FGF14: variants seen among roughly 807,000 people sequenced by gnomAD.
FGF14 encodes the protein fibroblast growth factor homologous factor 4.
In FGF14, 5 loss-of-function variants were observed where a neutral mutation model predicts 25.5. The ratio of observed to expected loss-of-function variants is 0.20; its 90% confidence interval spans 0.10 to 0.41. The LOEUF (loss-of-function observed/expected upper bound fraction) is 0.41. Among genes scored for constraint, FGF14 ranks in the 10% least tolerant of loss-of-function variants. The pLI is 1.00. For missense variants in FGF14, 222 were observed against 320.1 expected, an observed-to-expected ratio of 0.69 and a Z score of 2.34; for synonymous variants, 138 against 118.3, an observed-to-expected ratio of 1.17 and a Z score of -1.08.
rs182254349 is a variant in FGF14 at position 101,868,534 on chromosome 13, C to T, written c.408+191G>A. ...GCACTATTTAAGACATAGTATTACA[C>T]TTCCTTTAGATAAACTCATATTACT... On this transcript the variant is annotated intron_variant, in intron 3 of 4. Transcript: ENST00000376143. The T allele has an allele frequency of 7.7e-3, 4,624 of 598,826 alleles. 31 individuals are homozygous for T. The highest frequency in any genetic ancestry group is 0.011 in the Admixed American group (483 of 42,772). 37.1% of individuals were successfully genotyped at this position (598,826 alleles called of 1,614,324 possible). A position where few individuals can be genotyped will look rare whatever the true frequency, so the allele number is the denominator to read the frequency against.
chr13:101,819,917 G>T (rs1594366377), intron 3 of FGF14, among the ~76,000 whole-genome samples: 1 of 152,222 alleles, frequency 6.6e-6, no homozygotes, highest in East Asian at 1.9e-4. Flanking sequence ...CAGAGAACAG[G>T]CTGTGTAATT....
At chr13:102,214,351 A>G (rs1264437735) in intron 1 of FGF14, among the ~76,000 whole-genome samples, 3 of 152,144 alleles carry the variant, frequency 2.0e-5, no homozygotes, top group African/African-American at 4.8e-5. Context: ...GTCTCCTTCT[A>G]TTCTTACTTT....
intron 1 of FGF14, among the ~76,000 whole-genome samples, chr13:102,230,387 C>T (rs1349389529): frequency 6.6e-6 from 1 of 152,134 alleles, no homozygotes; most frequent in East Asian, 1.9e-4. Context: ...TAAGGAGCTC[C>T]CTGTCTACCA....
At chr13:101,970,093 T>A (rs1300538536) in intron 1 of FGF14, among the ~76,000 whole-genome samples, 1 of 152,212 alleles carries the variant, frequency 6.6e-6, no homozygotes, top group East Asian at 1.9e-4. Context: ...CCATTGGTTA[T>A]CAAGTCTGGG....
intron 1 of FGF14, among the ~76,000 whole-genome samples, chr13:102,207,634 A>T (rs1009890903): frequency 2.7e-5 from 4 of 147,892 alleles, no homozygotes; most frequent in African/African-American, 1.0e-4. Flanking sequence ...TAAAAAAAAA[A>T]AAAAAAAAAA....
chr13:101,791,048 A>G (rs2182950), intron 3 of FGF14, among the ~76,000 whole-genome samples: 68,521 of 152,082 alleles, frequency 0.45, 17,399 homozygotes, highest in Middle Eastern at 0.58. Flanking sequence ...TTGCTAACAC[A>G]CAAGCATTAG....
chr13:102,357,481 ATTTG>A (rs1193959539), intron 1 of FGF14, among the ~76,000 whole-genome samples: 1 of 152,166 alleles, frequency 6.6e-6, no homozygotes. Flanking sequence ...TTTGTTAAAT[ATTTG>A]TTTGTTAAAA....
intron 1 of FGF14, among the ~76,000 whole-genome samples, chr13:102,169,134 T>C (rs1566776172): frequency 1.3e-5 from 2 of 151,152 alleles, no homozygotes; most frequent in South Asian, 4.2e-4. Flanking sequence ...TTTAGGCAAC[T>C]AGATTACACT....
chr13:102,092,646 A>T (rs2044216841), intron 1 of FGF14, among the ~76,000 whole-genome samples: 1 of 152,192 alleles, frequency 6.6e-6, no homozygotes, highest in African/African-American at 2.4e-5. Flanking sequence ...CAATCAATAT[A>T]TGTTAATTTT....
At chr13:101,766,024 T>G (rs1395916576) in intron 3 of FGF14, among the ~76,000 whole-genome samples, 1 of 152,148 alleles carries the variant, frequency 6.6e-6, no homozygotes, top group Non-Finnish European at 1.5e-5. Context: ...CCACTGTGCC[T>G]GGCCAGCCTT....
In FGF14 at chr13:101,720,980, A is replaced by T. The variant is rs1044559459; in HGVS notation, c.*1851T>A. The T allele has an allele frequency of 2.6e-5, 4 of 152,094 alleles. No homozygotes were observed. Among genetic ancestry groups the T allele is most frequent in the African/African-American group, 9.7e-5 (4 of 41,408 alleles). 9.4% of individuals were successfully genotyped at this position (152,094 alleles called of 1,614,324 possible). ...GGCCAGAATTTTTTAATGCTGGGCAAGGGCTGTCATGAAGAAGATTTATGA... is the reference window on the plus strand; with the variant it reads ...GGCCAGAATTTTTTAATGCTGGGCATGGGCTGTCATGAAGAAGATTTATGA... On this transcript the variant is annotated 3_prime_UTR_variant, in exon 5 of 5. Transcript: ENST00000376143.
chr13:102,402,144 T>G (rs930312788), upstream of FGF14: 1 of 159,132 alleles, frequency 6.3e-6, no homozygotes, highest in African/African-American at 2.5e-5. Flanking sequence ...ACCTCCGAGA[T>G]TGAGTCTGAC....
intron 1 of FGF14, among the ~76,000 whole-genome samples, chr13:102,116,860 A>G (rs1003119789): frequency 6.6e-6 from 1 of 152,226 alleles, no homozygotes; most frequent in Non-Finnish European, 1.5e-5. Context: ...GTAGGAAAAG[A>G]AAAGCCCAGT....
chr13:102,167,982 T>C (rs1006467344), intron 1 of FGF14, among the ~76,000 whole-genome samples: 1 of 152,092 alleles, frequency 6.6e-6, no homozygotes, highest in African/African-American at 2.4e-5. Flanking sequence ...GCCCTCTATG[T>C]CATGGCTTTT....
At chr13:101,796,738 T>C (rs2040544619) in intron 3 of FGF14, among the ~76,000 whole-genome samples, 1 of 152,044 alleles carries the variant, frequency 6.6e-6, no homozygotes, top group Non-Finnish European at 1.5e-5. Flanking sequence ...GAAACAATCC[T>C]GCCGGCACCT....
intron 1 of FGF14, among the ~76,000 whole-genome samples, chr13:102,289,710 G>T (rs916855177): frequency 2.6e-5 from 4 of 152,184 alleles, no homozygotes; most frequent in African/African-American, 9.7e-5. Flanking sequence ...CATAAGAAGA[G>T]ATTCTGTGTC....
At chr13:102,357,127 T>TTG (rs1555405616) in intron 1 of FGF14, among the ~76,000 whole-genome samples, 2 of 150,588 alleles carry the variant, frequency 1.3e-5, no homozygotes, top group African/African-American at 4.9e-5. Context: ...TATAATGTTT[T>TTG]TTTTTTTTTA....
chr13:101,986,837 A>G (rs1394532784), intron 1 of FGF14, among the ~76,000 whole-genome samples: 1 of 151,960 alleles, frequency 6.6e-6, no homozygotes, highest in African/African-American at 2.4e-5. Context: ...CTAGATTCCA[A>G]TAATGGCTTT....
At chr13:102,282,188 T>A (rs1594711253) in intron 1 of FGF14, among the ~76,000 whole-genome samples, 1 of 151,692 alleles carries the variant, frequency 6.6e-6, no homozygotes, top group Middle Eastern at 3.4e-3. Context: ...TGCCTCAGCC[T>A]CCCGAGTAGC....
Sources: gnomAD v4.1 joint callset for allele counts (sites outside exome capture counted in the v4.1 genomes callset) on GRCh38, gnomAD v4.1.1 for gene constraint, MANE v1.5 for transcripts, NCBI Gene and HGNC (gene_info 2026-07-23, HGNC 2026-07-21) for gene names.